HGF: variants seen among roughly 807,000 people sequenced by gnomAD.
HGF encodes the protein fibroblast-derived tumor cytotoxic factor.
Under a neutral mutation model 111.6 loss-of-function variants are expected in HGF, and 39 were observed. The observed-to-expected ratio is 0.35, with a 90% CI of 0.27 to 0.46. HGF has a LOEUF of 0.46. HGF is among the 20% of genes least tolerant of loss of function. The probability of loss-of-function intolerance (pLI) is 1.00; values close to 1 mark genes in which losing one functional copy is unlikely to be tolerated. For synonymous variants in HGF, 285 were observed against 294.8 expected, an observed-to-expected ratio of 0.97 and a Z score of 0.34; for missense variants, 735 against 910.5, an observed-to-expected ratio of 0.81 and a Z score of 2.48.
At chr7:81,707,588 A>C (rs1789462454) in intron 13 of HGF, among the ~76,000 whole-genome samples, 1 of 152,178 alleles carries the variant, frequency 6.6e-6, no homozygotes, top group African/African-American at 2.4e-5. Flanking sequence ...AATTTATGAA[A>C]TCAATTTGAC....
At chr7:81,753,280 G>A (rs1386706791) in intron 4 of HGF, among the ~76,000 whole-genome samples, 1 of 152,002 alleles carries the variant, frequency 6.6e-6, no homozygotes, top group Non-Finnish European at 1.5e-5. Context: ...TTGTCTGCCA[G>A]ACTTTACACA....
At position 81,754,093 on chromosome 7, in the gene HGF, G is replaced by A. The variant is rs560327236; in HGVS notation, c.483-1831C>T. Among the ~76,000 whole-genome samples, 215 of 151,968 alleles carry A rather than the reference G, an allele frequency of 1.4e-3. 4 individuals carry two copies. In the South Asian group the frequency reaches 0.02, roughly 14 times the overall value. The stretch of plus-strand genomic sequence containing the variant: ...CTCTCTTTTATGGAAAAGTTGATAT[G>A]GTAGAGTGGTGAGAAGTTTATTTGT... On this transcript the variant is annotated intron_variant, in intron 4 of 17. Coordinates refer to ENST00000222390, the MANE Select transcript of HGF (RefSeq NM_000601.6).
At chr7:81,730,829 C>T (rs1015843899) in intron 7 of HGF, among the ~76,000 whole-genome samples, 2 of 152,034 alleles carry the variant, frequency 1.3e-5, no homozygotes, top group South Asian at 2.1e-4. Context: ...ATCTAAATGG[C>T]CATTCAAGAT....
chr7:81,768,282 T>C (rs1267288996), intron 1 of HGF, among the ~76,000 whole-genome samples: 1 of 152,216 alleles, frequency 6.6e-6, no homozygotes, highest in African/African-American at 2.4e-5. Context: ...TTAAGAACAG[T>C]GACATTTTAA....
chr7:81,769,162 G>T (rs1789508702), intron 1 of HGF, among the ~76,000 whole-genome samples: 1 of 152,020 alleles, frequency 6.6e-6, no homozygotes, highest in Admixed American at 6.6e-5. Flanking sequence ...CAGCAAACGA[G>T]ATCTCTAAAT....
rs373545882 is a variant in HGF, at chr7:81,705,528, G to A, written c.1872C>T (p.Asn624=). 15 of 1,612,170 alleles carry A rather than the reference G, an allele frequency of 9.3e-6. No homozygotes were observed. The African/African-American group carries it at 1.6e-4, about 17-fold the overall frequency. Reference sequence around the variant, plus strand: ...GTGCCACTCGTAATAGGCCATCATAGTTGATCACTAGATTGATGCAAAAAA... The same window carrying A: ...GTGCCACTCGTAATAGGCCATCATAATTGATCACTAGATTGATGCAAAAAA... ...VYGWGYTGLI[N]YDGLLRVAHL... is the part of the protein sequence containing the mutation. The change falls in exon 17 of 18, where the codon AAC becomes AAT. Residue 624 remains asparagine, a synonymous_variant. Transcript: ENST00000222390.
At chr7:81,758,516 A>G (rs113641577) in intron 3 of HGF, among the ~76,000 whole-genome samples, 176 bp downstream of exon 3, 18 of 152,232 alleles carry the variant, frequency 1.2e-4, no homozygotes, top group African/African-American at 4.1e-4. Context: ...TTAAAGTACC[A>G]TACTAAAAAT....
intron 11 of HGF, among the ~76,000 whole-genome samples, chr7:81,715,968 T>A (rs1316966209): frequency 6.6e-6 from 1 of 152,176 alleles, no homozygotes; most frequent in South Asian, 2.1e-4. Flanking sequence ...GTAAAGGATG[T>A]TCGTTGTAAA....
At chr7:81,734,192 T>A (rs1207179932) in intron 7 of HGF, among the ~76,000 whole-genome samples, 1 of 152,138 alleles carries the variant, frequency 6.6e-6, no homozygotes, top group Admixed American at 6.6e-5. Flanking sequence ...GTCTACCCAG[T>A]TAACATTGAA....
chr7:81,760,184 A>G (rs182764597), intron 2 of HGF, among the ~76,000 whole-genome samples: 32 of 152,240 alleles, frequency 2.1e-4, no homozygotes, highest in African/African-American at 7.7e-4. Flanking sequence ...ACATCGTTCT[A>G]GTTGTAATCT....
intron 13 of HGF, among the ~76,000 whole-genome samples, chr7:81,708,597 C>A (rs1277347069): frequency 1.5e-5 from 2 of 131,142 alleles, no homozygotes; most frequent in African/African-American, 3.0e-5. Context: ...GCATGTGCCA[C>A]CATGCCCGGC....
In HGF at chr7:81,745,111, A is replaced by G. The variant is rs1178179663; in HGVS notation, c.635T>C (p.Met212Thr). 6.2e-7 allele frequency: 1 copy of G among 1,613,930 alleles called. No homozygotes were observed. The highest frequency in any genetic ancestry group is 1.7e-5 in the Admixed American group (1 of 60,028). The change falls in exon 6 of 18, where the codon ATG becomes ACG. Residue 212 changes from methionine (M) to threonine (T), a missense_variant. Met to Thr is a moderately conservative substitution (Grantham distance 81, BLOSUM62 -1). This residue lies in a region of HGF where 553 missense variants were observed against 685.6 expected (regional missense o/e 0.81). Transcript: ENST00000222390. The stretch of plus-strand genomic sequence containing the variant: ...TCGATAACTCTCCCCATTGCAGGTC[A>G]TGCATTCAACTAATAAAATTAAAGT... ...DIPQCSEVECMTCNGESYRGL... is the reference protein window; with the variant it reads ...DIPQCSEVECTTCNGESYRGL...
At chr7:81,718,354 A>T (rs894403723) in intron 10 of HGF, among the ~76,000 whole-genome samples, 1 of 152,168 alleles carries the variant, frequency 6.6e-6, no homozygotes, top group Non-Finnish European at 1.5e-5. Context: ...CTTTAAGGTT[A>T]TGCCATATTA....
At chr7:81,760,633 C>A (rs1789016502) in intron 2 of HGF, among the ~76,000 whole-genome samples, 1 of 150,676 alleles carries the variant, frequency 6.6e-6, no homozygotes, top group African/African-American at 2.4e-5. Flanking sequence ...TTCTATATAG[C>A]TAAGATATTT....
chr7:81,725,984 A>G lies in HGF; in HGVS notation c.1074T>C (p.Asp358=), dbSNP rs1266328895. ...DLRENYCRNP[D]GSESPWCFTT... is the part of the protein sequence containing the mutation. ...TAAAACACCAGGGTGATTCAGACCCATCTGGATTTCGGCAGTAATTTTCTC... is the reference window on the plus strand; with the variant it reads ...TAAAACACCAGGGTGATTCAGACCCGTCTGGATTTCGGCAGTAATTTTCTC... The change falls in exon 9 of 18, where the codon GAT becomes GAC. Residue 358 remains aspartate (D), a synonymous_variant. Coordinates refer to ENST00000222390, the MANE Select transcript of HGF (RefSeq NM_000601.6). 6.2e-7 allele frequency: 1 copy of G among 1,613,924 alleles called. No individual in the cohort carries two copies.
chr7:81,751,414 C>G (rs1788490945), intron 5 of HGF: 4 of 985,332 alleles, frequency 4.1e-6, no homozygotes, highest in Non-Finnish European at 3.6e-6. Context: ...TCTTGTCAGC[C>G]ATTCAGTTTT....
In HGF at chr7:81,702,514, A is replaced by G; in HGVS notation, c.*67T>C. On this transcript the variant is annotated 3_prime_UTR_variant, in exon 18 of 18. Coordinates refer to ENST00000222390, the MANE Select transcript of HGF (RefSeq NM_000601.6). ...TGTTGTAAGTGACATTTTAAATTCC[A>G]CATTCTCTGAAATCTTCATGTAAAA... 1 of 1,292,440 alleles carries G rather than the reference A, an allele frequency of 7.7e-7. No individual in the cohort carries two copies. Among genetic ancestry groups the G allele is most frequent in the South Asian group, 1.2e-5 (1 of 83,088 alleles). 80.1% of individuals were successfully genotyped at this position (1,292,440 alleles called of 1,614,324 possible).
chr7:81,704,334 T>C (rs1789366169), intron 17 of HGF, among the ~76,000 whole-genome samples: 1 of 151,676 alleles, frequency 6.6e-6, no homozygotes, highest in African/African-American at 2.4e-5. Flanking sequence ...ATCTGTAAGG[T>C]TGGGTCTAGT....
intron 9 of HGF, among the ~76,000 whole-genome samples, chr7:81,723,515 T>C (rs1178365156): frequency 1.3e-5 from 2 of 151,682 alleles, no homozygotes; most frequent in Non-Finnish European, 2.9e-5. Context: ...AAATACATTT[T>C]ATGATATTGA....
Sources: allele counts gnomAD v4.1 joint callset (sites outside exome capture counted in the v4.1 genomes callset), GRCh38; gene constraint gnomAD v4.1.1; regional missense constraint gnomAD v4.1.1; transcripts MANE v1.5; gene names NCBI Gene and HGNC (gene_info 2026-07-23, HGNC 2026-07-21).